Variants in REPS1 observed in about 807,000 individuals in gnomAD.
REPS1 encodes the protein ralBP1-associated Eps domain-containing protein 1.
Under a neutral mutation model 100.9 loss-of-function variants are expected in REPS1, and 39 were observed. The ratio of observed to expected loss-of-function variants is 0.39; its 90% CI spans 0.30 to 0.50. The LOEUF (loss-of-function observed/expected upper bound fraction) is 0.50. Among genes scored for constraint, REPS1 ranks in the 20% least tolerant of loss-of-function variants. The probability of loss-of-function intolerance (pLI) is 0.86; values close to 1 mark genes in which losing one functional copy is unlikely to be tolerated. For missense variants in REPS1, 821 were observed against 968.5 expected (o/e 0.85, Z 2.02); for synonymous variants, 324 against 340.3 (o/e 0.95, Z 0.53).
intron 11 of REPS1, among the ~76,000 whole-genome samples, 174 bp from the exon 12 acceptor site, chr6:138,920,490 AATTTT>A (rs1350869842): frequency 6.6e-6 from 1 of 152,192 alleles, no homozygotes; most frequent in African/African-American, 2.4e-5. Flanking sequence ...GTTTATTTAT[AATTTT>A]ATTTTCTGCC....
intron 1 of REPS1, among the ~76,000 whole-genome samples, chr6:138,955,966 A>G (rs2128487967): frequency 6.6e-6 from 1 of 152,318 alleles, no homozygotes; most frequent in Admixed American, 6.5e-5. Flanking sequence ...TACTACCCTG[A>G]TCATAGTGGA....
At chr6:138,914,095 G>A (rs183746489) in intron 15 of REPS1, among the ~76,000 whole-genome samples, 1 of 150,992 alleles carries the variant, frequency 6.6e-6, no homozygotes, top group Non-Finnish European at 1.5e-5. Flanking sequence ...TTTGAGACAG[G>A]GTCTCACTCT....
chr6:138,918,597 G>A (rs1780559476), intron 12 of REPS1, among the ~76,000 whole-genome samples: 1 of 152,120 alleles, frequency 6.6e-6, no homozygotes, highest in African/African-American at 2.4e-5. Context: ...CAATAAATAC[G>A]TTACTTCTGT....
chr6:138,932,306 C>CCTTT (rs36059996), intron 8 of REPS1, among the ~76,000 whole-genome samples: 90,896 of 151,472 alleles, frequency 0.6, 27,684 homozygotes, highest in Non-Finnish European at 0.66. Context: ...ACCACAGACC[C>CCTTT]CTAAGAGTCC....
At chr6:138,963,387 A>G (rs1339143469) in intron 1 of REPS1, among the ~76,000 whole-genome samples, 2 of 152,164 alleles carry the variant, frequency 1.3e-5, no homozygotes, top group Non-Finnish European at 2.9e-5. Context: ...GCTTAGGTAC[A>G]CTGAAATCCA....
chr6:138,953,039 G>C (rs1396472454), intron 1 of REPS1, among the ~76,000 whole-genome samples: 1 of 151,898 alleles, frequency 6.6e-6, no homozygotes, highest in African/African-American at 2.4e-5. Flanking sequence ...GTTTCTCCAT[G>C]TTGGTCAGGC....
chr6:138,965,987 T>C (rs1318431175), intron 1 of REPS1, among the ~76,000 whole-genome samples: 1 of 152,148 alleles, frequency 6.6e-6, no homozygotes, highest in Non-Finnish European at 1.5e-5. Context: ...CATTTAATCA[T>C]CTTAGCCCAG....
chr6:138,940,339 A>G (rs1222826903), intron 8 of REPS1, among the ~76,000 whole-genome samples: 1 of 152,240 alleles, frequency 6.6e-6, no homozygotes, highest in Non-Finnish European at 1.5e-5. Context: ...CACTGAAGAC[A>G]GTAATTTATT....
chr6:138,945,966 A>C (rs1027952666), intron 2 of REPS1, among the ~76,000 whole-genome samples: 1 of 152,160 alleles, frequency 6.6e-6, no homozygotes, highest in East Asian at 1.9e-4. Flanking sequence ...GTTTGGCCCT[A>C]TACTTGCCAC....
chr6:138,949,143 C>T (rs1265278845), intron 1 of REPS1, among the ~76,000 whole-genome samples: 3 of 152,142 alleles, frequency 2.0e-5, no homozygotes, highest in Non-Finnish European at 4.4e-5. Flanking sequence ...ATCTTAAATA[C>T]TTTTGTTTAT....
intron 1 of REPS1, among the ~76,000 whole-genome samples, chr6:138,967,586 G>A (rs1189327084): frequency 6.6e-6 from 1 of 152,140 alleles, no homozygotes; most frequent in Non-Finnish European, 1.5e-5. Context: ...AGGTAGTTCA[G>A]AGTAGTTTTC....
intron 1 of REPS1, 113 bp from the exon 2 acceptor site, chr6:138,948,026 A>T: frequency 1.6e-5 from 14 of 863,720 alleles, no homozygotes; most frequent in Non-Finnish European, 2.3e-5. Context: ...AATAGATGGT[A>T]TAATACTCAC....
chr6:138,947,998 G>A lies in REPS1; in HGVS notation c.154-85C>T, dbSNP rs190959313. The A allele has an allele frequency of 1.8e-5, 22 of 1,237,072 alleles. No individual in the cohort carries two copies. In the Admixed American group the frequency reaches 2.5e-4, roughly 14 times the overall value. The allele number at this position is 1,237,072 out of a possible 1,614,324, so 76.6% of individuals were successfully genotyped here. A position where few individuals can be genotyped will look rare whatever the true frequency, so the allele number is the denominator to read the frequency against. ...AGCAGCTACCCAACTTGTTTGTAAC[G>A]TCTCAAAATATCTATCTAATAGATG... On this transcript the variant is annotated intron_variant, in intron 1 of 19. Transcript: ENST00000450536.
At chr6:138,911,771 G>A (rs1454251926) in intron 16 of REPS1, among the ~76,000 whole-genome samples, 1 of 149,928 alleles carries the variant, frequency 6.7e-6, no homozygotes, top group East Asian at 2.0e-4. Context: ...ATGGGGTGAG[G>A]ATGCAGGTAG....
At chr6:138,928,917 T>C (rs528042835) in intron 9 of REPS1, 10 of 152,288 alleles carry the variant, frequency 6.6e-5, no homozygotes, top group African/African-American at 2.2e-4. Flanking sequence ...ATGGATGGTG[T>C]GATGTTATAA....
At chr6:138,983,278 C>T (rs1051546062) in intron 1 of REPS1, among the ~76,000 whole-genome samples, 9 of 151,976 alleles carry the variant, frequency 5.9e-5, no homozygotes, top group African/African-American at 9.7e-5. Context: ...ATGGTGAAAC[C>T]CCGACTCTAC....
intron 1 of REPS1, among the ~76,000 whole-genome samples, chr6:138,952,828 G>T (rs1195724759): frequency 8.3e-5 from 12 of 145,436 alleles, no homozygotes; most frequent in African/African-American, 1.5e-4. Flanking sequence ...ATAGTTTTTT[G>T]TTTTTGTTTT....
chr6:138,949,015 G>A (rs546312156), intron 1 of REPS1, among the ~76,000 whole-genome samples: 1 of 152,288 alleles, frequency 6.6e-6, no homozygotes, highest in Non-Finnish European at 1.5e-5. Context: ...AGAATAAACA[G>A]GCAGGTTAAC....
chr6:138,966,563 TC>T (rs1463491685), intron 1 of REPS1, among the ~76,000 whole-genome samples: 1 of 152,184 alleles, frequency 6.6e-6, no homozygotes, highest in Admixed American at 6.5e-5. Context: ...CCATACTTGC[TC>T]AAGGACACAC....
Sources: allele counts gnomAD v4.1 joint callset (sites outside exome capture counted in the v4.1 genomes callset), GRCh38; gene constraint gnomAD v4.1.1; transcripts MANE v1.5; gene names NCBI Gene and HGNC (gene_info 2026-07-23, HGNC 2026-07-21).